Variants in TRPM3 observed in about 807,000 individuals in gnomAD.
TRPM3 encodes long transient receptor potential channel 3.
A neutral mutation model predicts 181.2 loss-of-function variants in TRPM3; 77 were observed. That is an observed-to-expected ratio of 0.42 (90% CI 0.35 to 0.51). The LOEUF (loss-of-function observed/expected upper bound fraction) is 0.51, where lower values mean the gene tolerates loss of function less well. Among genes scored for constraint, TRPM3 ranks in the 20% least tolerant of loss-of-function variants. TRPM3 has a pLI of 0.01. For synonymous variants in TRPM3, 745 were observed against 796.4 expected, an observed-to-expected ratio of 0.94 and a Z score of 1.09; for missense variants, 1,759 against 2,196.7, an observed-to-expected ratio of 0.80 and a Z score of 3.98.
At chr9:71,271,785 G>C (rs2083813483) in intron 1 of TRPM3, among the ~76,000 whole-genome samples, 1 of 152,244 alleles carries the variant, frequency 6.6e-6, no homozygotes, top group Admixed American at 6.5e-5. Flanking sequence ...CAAGCACATG[G>C]AGCTGAGCCA....
intron 1 of TRPM3, among the ~76,000 whole-genome samples, chr9:71,229,931 A>G (rs1262767135): frequency 6.6e-6 from 1 of 152,150 alleles, no homozygotes; most frequent in African/African-American, 2.4e-5. Context: ...TCCTACTGTT[A>G]GGTATATACA....
Position 70,552,851 on chromosome 9 carries a change from G to A in TRPM3, c.3567C>T (p.Tyr1189=), listed in dbSNP as rs755939569. The A allele has an allele frequency of 8.1e-6, 13 of 1,613,770 alleles. No homozygotes were observed. Among genetic ancestry groups the A allele is most frequent in the African/African-American group, 4.0e-5 (3 of 74,898 alleles). ...CTGTCGCTTGAAGCTTACTCAGGCC[G>A]TAGTCCCTTTCATCCGGGTCGCTCT... is the stretch of plus-strand genomic sequence containing the variant. The part of the protein sequence containing the change: ...KHESDPDERD[Y]GLKLFITDDE... Residue 1189 remains tyrosine (Y), a synonymous_variant, in exon 24 of 26, where the codon TAC becomes TAT. Coordinates refer to ENST00000677713, the MANE Select transcript of TRPM3 (RefSeq NM_001366145.2).
At chr9:71,198,350 T>C (rs1285591075) in intron 1 of TRPM3, among the ~76,000 whole-genome samples, 1 of 152,054 alleles carries the variant, frequency 6.6e-6, no homozygotes, top group African/African-American at 2.4e-5. Flanking sequence ...GACTTGGTGA[T>C]GCGGGCTCTT....
chr9:70,906,452 A>C (rs1292391646), intron 1 of TRPM3, among the ~76,000 whole-genome samples: 64 of 152,272 alleles, frequency 4.2e-4, no homozygotes, highest in Non-Finnish European at 1.2e-4. Context: ...CCTGCTTGTT[A>C]AATTAGTGCC....
intron 8 of TRPM3, among the ~76,000 whole-genome samples, chr9:70,682,722 C>T (rs1226919697): frequency 6.6e-6 from 1 of 152,070 alleles, no homozygotes; most frequent in African/African-American, 2.4e-5. Flanking sequence ...AATAATGAAG[C>T]ATTTGTTTTC....
intron 1 of TRPM3, among the ~76,000 whole-genome samples, chr9:71,154,608 A>C (rs1296048406): frequency 1.3e-5 from 2 of 152,094 alleles, no homozygotes; most frequent in African/African-American, 4.8e-5. Flanking sequence ...AATAAACACT[A>C]ATCTGATTTC....
At chr9:71,404,655 C>G (rs970678401) in intron 1 of TRPM3, among the ~76,000 whole-genome samples, 1 of 152,100 alleles carries the variant, frequency 6.6e-6, no homozygotes, top group Non-Finnish European at 1.5e-5. Flanking sequence ...TTAAAACTAG[C>G]TGGAGGTATT....
intron 1 of TRPM3, among the ~76,000 whole-genome samples, chr9:70,966,268 A>C (rs933607103): frequency 5.9e-5 from 9 of 152,128 alleles, no homozygotes; most frequent in African/African-American, 2.2e-4. Flanking sequence ...GTTACAGAGA[A>C]AAGGGAGCAC....
intron 6 of TRPM3, among the ~76,000 whole-genome samples, chr9:70,803,672 G>A (rs969801456): frequency 6.6e-6 from 1 of 151,802 alleles, no homozygotes; most frequent in Non-Finnish European, 1.5e-5. Context: ...GGATGGTCTC[G>A]ATCTCCTGAC....
intron 17 of TRPM3, among the ~76,000 whole-genome samples, chr9:70,618,415 T>G (rs976064202): frequency 1.1e-4 from 17 of 152,332 alleles, no homozygotes; most frequent in African/African-American, 3.8e-4. Context: ...TCTATCTCAG[T>G]TTTATCTTAG....
At chr9:71,242,151 T>G (rs922230964) in intron 1 of TRPM3, among the ~76,000 whole-genome samples, 1 of 152,212 alleles carries the variant, frequency 6.6e-6, no homozygotes, top group Non-Finnish European at 1.5e-5. Context: ...CTTCCATTGT[T>G]CTTCAGTAGG....
chr9:70,886,988 T>C (rs188521356), intron 1 of TRPM3, among the ~76,000 whole-genome samples: 1 of 152,274 alleles, frequency 6.6e-6, no homozygotes, highest in African/African-American at 2.4e-5. Context: ...AACTGACAAA[T>C]ATAACTGCAA....
intron 1 of TRPM3, among the ~76,000 whole-genome samples, chr9:71,201,194 T>A (rs2131729269): frequency 6.6e-6 from 1 of 152,062 alleles, no homozygotes; most frequent in Admixed American, 6.6e-5. Context: ...GAATGTTGAA[T>A]ATTGGTCCCC....
chr9:70,790,838 G>A, intron 6 of TRPM3, among the ~76,000 whole-genome samples: 1 of 152,028 alleles, frequency 6.6e-6, no homozygotes. Context: ...TCCCAGTTGT[G>A]AATACATGAA....
At chr9:70,857,541 CATA>C (rs1290616185) in intron 3 of TRPM3, among the ~76,000 whole-genome samples, 1 of 152,088 alleles carries the variant, frequency 6.6e-6, no homozygotes, top group Non-Finnish European at 1.5e-5. Context: ...TAGCTAGAAA[CATA>C]ATAATAATTA....
intron 1 of TRPM3, among the ~76,000 whole-genome samples, chr9:70,982,422 C>A (rs939312387): frequency 2.0e-5 from 3 of 152,276 alleles, no homozygotes; most frequent in East Asian, 3.9e-4. Flanking sequence ...CAGTCTTCAT[C>A]TTCTTCTCTC....
At chr9:70,613,590 A>G (rs1221385019) in intron 18 of TRPM3, among the ~76,000 whole-genome samples, 1 of 152,200 alleles carries the variant, frequency 6.6e-6, no homozygotes, top group Non-Finnish European at 1.5e-5. Context: ...CATCAGAGTC[A>G]AGGGAAGGGT....
In TRPM3 at chr9:70,811,328, C is replaced by G. The variant is rs922982262; in HGVS notation, c.973+16519G>C. On this transcript the variant is annotated intron_variant, in intron 6 of 25. Coordinates refer to ENST00000677713, the MANE Select transcript of TRPM3 (RefSeq NM_001366145.2). ...TAAAGCAGATGGATTACCCAATTTA[C>G]ATAAATTTATATACGTGATGGCAAC... is the stretch of plus-strand genomic sequence containing the variant. 8.3e-6 allele frequency: 10 copies of G among 1,198,396 alleles called. No homozygotes were observed. In the African/African-American group the frequency reaches 1.1e-4, roughly 13 times the overall value. The allele number at this position is 1,198,396 out of a possible 1,614,324, so 74.2% of individuals were successfully genotyped here.
intron 9 of TRPM3, among the ~76,000 whole-genome samples, chr9:70,651,779 T>C (rs1199704485): frequency 6.6e-6 from 1 of 152,182 alleles, no homozygotes; most frequent in Non-Finnish European, 1.5e-5. Context: ...CTTTTTTCTT[T>C]ACTATTTCTT....
Sources: gnomAD v4.1 joint callset for allele counts (sites outside exome capture counted in the v4.1 genomes callset) on GRCh38, gnomAD v4.1.1 for gene constraint, MANE v1.5 for transcripts, NCBI Gene and HGNC (gene_info 2026-07-23, HGNC 2026-07-21) for gene names.